Variants in PM20D2 observed in about 807,000 individuals in gnomAD.
The protein encoded by PM20D2 is xaa-Arg dipeptidase.
In PM20D2, 33 loss-of-function variants were observed where a neutral mutation model predicts 42.9. That is an observed-to-expected ratio of 0.77 (90% confidence interval 0.58 to 1.03). The LOEUF is 1.03. PM20D2 is among the 50% of genes least tolerant of loss of function. The pLI, the probability that PM20D2 is intolerant of heterozygous loss-of-function variation, is 0.00. For synonymous variants in PM20D2, 250 were observed against 228.2 expected, an observed-to-expected ratio of 1.10 and a Z score of -0.86; for missense variants, 548 against 557.0, an observed-to-expected ratio of 0.98 and a Z score of 0.16.
intron 3 of PM20D2, among the ~76,000 whole-genome samples, chr6:89,153,832 C>T (rs1213303052): frequency 2.0e-5 from 3 of 152,016 alleles, no homozygotes; most frequent in Admixed American, 2.0e-4. Flanking sequence ...AAACTCCTGG[C>T]CTTAAGTGAT....
At chr6:89,117,866 G>A in the PM20D2 span, 1 of 1,563,278 alleles carries the variant, frequency 6.4e-7, no homozygotes, top group Admixed American at 1.9e-5. Flanking sequence ...GAGGTGTTGG[G>A]GGGCCTCGTG....
chr6:89,112,193 G>A, the PM20D2 span, among the ~76,000 whole-genome samples: 1 of 151,818 alleles, frequency 6.6e-6, no homozygotes, highest in African/African-American at 2.4e-5. Context: ...TGGAATTACA[G>A]GCATGAGCCA....
chr6:89,133,380 ATT>A, the PM20D2 span, among the ~76,000 whole-genome samples: 1 of 151,228 alleles, frequency 6.6e-6, no homozygotes, highest in African/African-American at 2.5e-5. Flanking sequence ...AAGTATAGAT[ATT>A]GTTTTATGTA....
the PM20D2 span, among the ~76,000 whole-genome samples, chr6:89,099,186 A>G: frequency 0.029 from 4,410 of 152,118 alleles, 110 homozygotes; most frequent in Non-Finnish European, 0.043. Context: ...TATAGGGATC[A>G]GTTCTGAAAA....
the PM20D2 span, among the ~76,000 whole-genome samples, chr6:89,120,615 G>A: frequency 6.6e-6 from 1 of 152,050 alleles, no homozygotes; most frequent in African/African-American, 2.4e-5. Context: ...CTGTATCCTG[G>A]TGCTGTGGGA....
At chr6:89,155,158 G>T (rs1231526476) in intron 4 of PM20D2, among the ~76,000 whole-genome samples, 2 of 149,536 alleles carry the variant, frequency 1.3e-5, no homozygotes, top group African/African-American at 2.5e-5. Flanking sequence ...TAGAATCCCT[G>T]CCTTTTTACA....
Position 89,162,955 on chromosome 6 carries a change from C to A in PM20D2, c.*692C>A, listed in dbSNP as rs534802013. On this transcript the variant is annotated 3_prime_UTR_variant, in exon 7 of 7. Transcript: ENST00000275072. ...CTAATTTTTGTATTTTTAGTAGAGA[C>A]GGCATTTCACCATGTTGGCCAGGCT... is the stretch of plus-strand genomic sequence containing the variant. 5 of 152,168 alleles carry A rather than the reference C, an allele frequency of 3.3e-5. No homozygotes were observed. The highest frequency in any genetic ancestry group is 1.2e-4 in the African/African-American group (5 of 41,374). The allele number at this position is 152,168 out of a possible 1,614,324, so 9.4% of individuals were successfully genotyped here.
intron 5 of PM20D2, among the ~76,000 whole-genome samples, chr6:89,160,415 C>T (rs943651074): frequency 2.6e-5 from 4 of 152,138 alleles, no homozygotes; most frequent in African/African-American, 4.8e-5. Context: ...GTGTTTGGAA[C>T]GTAGTATTCC....
rs1304553834 is a variant in PM20D2 at position 89,162,203 on chromosome 6, A to T, written c.1251A>T (p.Gly417=). 2 of 1,614,080 alleles carry T rather than the reference A, an allele frequency of 1.2e-6. No individual in the cohort carries two copies. The highest frequency in any genetic ancestry group is 2.7e-5 in the African/African-American group (2 of 74,948). The part of the protein sequence containing the change: ...DVIFKPELLE[G]IREDFKLKLQ... ...TTTTTAAACCAGAGTTACTGGAAGG[A>T]ATCAGAGAGGACTTTAAACTGAAAC... Residue 417 remains glycine (G), a synonymous_variant, in exon 7 of 7, where the codon GGA becomes GGT. Coordinates refer to ENST00000275072, the MANE Select transcript of PM20D2 (RefSeq NM_001010853.3).
chr6:89,119,360 C>T, the PM20D2 span, among the ~76,000 whole-genome samples: 1 of 152,100 alleles, frequency 6.6e-6, no homozygotes, highest in Admixed American at 6.5e-5. Context: ...CACTTATGTT[C>T]CCTGAACAAG....
chr6:89,110,942 C>T, the PM20D2 span, among the ~76,000 whole-genome samples: 3 of 151,978 alleles, frequency 2.0e-5, no homozygotes, highest in East Asian at 5.8e-4. Context: ...ATAGTGAGAC[C>T]CCCATCTCTA....
chr6:89,106,273 C>T, the PM20D2 span, among the ~76,000 whole-genome samples: 4 of 89,352 alleles, frequency 4.5e-5, no homozygotes, highest in Non-Finnish European at 1.1e-4. Flanking sequence ...GCACCACACC[C>T]GGCTAATTTT....
rs1160857799 is a variant in PM20D2 at position 89,164,448 on chromosome 6, G to T, written c.*2185G>T. 1 of 152,470 alleles carries T rather than the reference G, an allele frequency of 6.6e-6. No individual in the cohort carries two copies. Among genetic ancestry groups the T allele is most frequent in the Non-Finnish European group, 1.5e-5 (1 of 68,002 alleles). 9.4% of individuals were successfully genotyped at this position (152,470 alleles called of 1,614,324 possible). On this transcript the variant is annotated 3_prime_UTR_variant, in exon 7 of 7. Transcript: ENST00000275072. ...GTTATTATTATGTAAAAACTGGGTGGCAGTTCACAAGGAAGATTGTTGTAA... is the reference window on the plus strand; with the variant it reads ...GTTATTATTATGTAAAAACTGGGTGTCAGTTCACAAGGAAGATTGTTGTAA...
At chr6:89,143,563 A>C (rs1770411894), upstream of PM20D2, among the ~76,000 whole-genome samples, 1 of 152,198 alleles carries the variant, frequency 6.6e-6, no homozygotes, top group Non-Finnish European at 1.5e-5. Context: ...CTTAATACTA[A>C]ATTCTGGATA....
chr6:89,155,258 C>CTTTT (rs34776724), intron 4 of PM20D2, among the ~76,000 whole-genome samples: 30 of 58,934 alleles, frequency 5.1e-4, no homozygotes, highest in South Asian at 1.6e-3. Context: ...TCAGCAAAAG[C>CTTTT]TTTTTTTTTT....
the PM20D2 span, chr6:89,105,718 T>G: frequency 7.8e-6 from 3 of 385,098 alleles, no homozygotes; most frequent in Non-Finnish European, 1.4e-5. Flanking sequence ...TGACCCATTA[T>G]GTTTAGAAGA....
At chr6:89,110,523 T>C in the PM20D2 span, among the ~76,000 whole-genome samples, 5 of 152,212 alleles carry the variant, frequency 3.3e-5, no homozygotes, top group Middle Eastern at 6.3e-3. Flanking sequence ...ACCAGTCTGA[T>C]TGGTTGTAGG....
chr6:89,154,786 C>A lies in PM20D2; in HGVS notation c.796C>A (p.Pro266Thr), dbSNP rs1770975655. The A allele has an allele frequency of 6.4e-7, 1 of 1,573,574 alleles. No homozygotes were observed. Among genetic ancestry groups the A allele is most frequent in the Non-Finnish European group, 8.6e-7 (1 of 1,160,500 alleles). ...KNGGVKPNII[P>T]SYSELIYYFR... is the part of the protein sequence containing the mutation. ...TGGTGGTGTAAAACCCAATATCATT[C>A]CCTCTTATTCTGAATTAATCTATTA... The change falls in exon 4 of 7, where the codon CCC becomes ACC. Residue 266 changes from proline to threonine, a missense_variant. Physicochemically the swap from Pro to Thr is conservative, Grantham distance 38 (BLOSUM62 -1). Transcript: ENST00000275072.
chr6:89,133,254 A>G, the PM20D2 span, among the ~76,000 whole-genome samples: 1 of 151,080 alleles, frequency 6.6e-6, no homozygotes, highest in Non-Finnish European at 1.5e-5. Flanking sequence ...AATAAGATAA[A>G]ATATAAAAAT....
Sources: gnomAD v4.1 joint callset for allele counts (sites outside exome capture counted in the v4.1 genomes callset) on GRCh38, gnomAD v4.1.1 for gene constraint, MANE v1.5 for transcripts, NCBI Gene and HGNC (gene_info 2026-07-23, HGNC 2026-07-21) for gene names.